Variants in XPNPEP1 observed in about 807,000 individuals in gnomAD.
XPNPEP1 encodes the protein xaa-Pro aminopeptidase 1.
XPNPEP1 carries 39 observed loss-of-function variants against 92.4 expected under a neutral mutation model. The ratio of observed to expected loss-of-function variants is 0.42; its 90% CI spans 0.33 to 0.55. The LOEUF is 0.55. XPNPEP1 is among the 20% of genes least tolerant of loss of function. The pLI is 0.08. For missense variants in XPNPEP1, 654 were observed against 856.1 expected, an observed-to-expected ratio of 0.76 and a Z score of 2.95; for synonymous variants, 307 against 299.4, an observed-to-expected ratio of 1.03 and a Z score of -0.26.
chr10:109,891,601 T>A, intron 5 of XPNPEP1, 121 bp downstream of exon 5: 1 of 778,852 alleles, frequency 1.3e-6, no homozygotes, highest in Non-Finnish European at 1.9e-6. Context: ...TCAGTTTTCC[T>A]TGGATTCTCA....
rs559199004 is a variant in XPNPEP1, at chr10:109,873,303, A to T, written c.1452+64T>A. The T allele has an allele frequency of 5.0e-5, 79 of 1,592,672 alleles. No individual in the cohort carries two copies. In the African/African-American group the frequency reaches 9.9e-4, roughly 20 times the overall value. The stretch of plus-strand genomic sequence containing the variant: ...TTACTTCTTTATACAATCCCTTTTC[A>T]TAAAAGCAATGCTCTTCTTAAGAAA... On this transcript the variant is annotated intron_variant, in intron 16 of 20. Transcript: ENST00000502935.
intron 16 of XPNPEP1, among the ~76,000 whole-genome samples, chr10:109,872,727 CTA>C (rs1335804888): frequency 6.6e-6 from 1 of 152,250 alleles, no homozygotes; most frequent in East Asian, 1.9e-4. Flanking sequence ...TGAGCAGTGA[CTA>C]TGATCCAGGA....
At chr10:109,923,116 C>A in intron 1 of XPNPEP1, 4 of 969,514 alleles carry the variant, frequency 4.1e-6, no homozygotes, top group Non-Finnish European at 4.9e-6. Context: ...ACGGCCGCCG[C>A]CCCCTCAGGC....
chr10:109,919,810 G>A (rs1196600672), intron 1 of XPNPEP1, among the ~76,000 whole-genome samples: 2 of 152,198 alleles, frequency 1.3e-5, no homozygotes, highest in Admixed American at 1.3e-4. Context: ...GAGACGGGCA[G>A]ATCATGAGGT....
intron 3 of XPNPEP1, among the ~76,000 whole-genome samples, chr10:109,905,597 A>G (rs536271992): frequency 6.6e-6 from 1 of 152,284 alleles, no homozygotes; most frequent in South Asian, 2.1e-4. Context: ...TAATGGATAT[A>G]AAGTTTCAGT....
intron 8 of XPNPEP1, among the ~76,000 whole-genome samples, chr10:109,884,775 A>G (rs1238971564): frequency 1.3e-5 from 2 of 152,208 alleles, no homozygotes; most frequent in African/African-American, 2.4e-5. Flanking sequence ...AGCCAGTAAC[A>G]GTGATGTTGC....
At chr10:109,918,117 AAAAAAAAC>A (rs1423940368) in intron 1 of XPNPEP1, among the ~76,000 whole-genome samples, 36 of 152,098 alleles carry the variant, frequency 2.4e-4, no homozygotes, top group African/African-American at 8.4e-4. Context: ...CTGCCTCAAA[AAAAAAAAC>A]AAAAAAACAA....
chr10:109,877,768 CAT>C lies in XPNPEP1; in HGVS notation c.1319+20_1319+21del. ...GTGCAGAAGCAGCAAGGCCAGGCAG[CAT>C]GCTCCTCCGCATGCCTTACGCGTAG... is the stretch of plus-strand genomic sequence containing the variant. On this transcript the variant is annotated intron_variant, in intron 14 of 20. Coordinates refer to ENST00000502935, the MANE Select transcript of XPNPEP1 (RefSeq NM_020383.4). 2.5e-6 allele frequency: 4 copies of C among 1,614,160 alleles called. No individual in the cohort carries two copies. Among genetic ancestry groups the C allele is most frequent in the Non-Finnish European group, 3.4e-6 (4 of 1,180,032 alleles).
chr10:109,868,340 T>C (rs1847253987), intron 20 of XPNPEP1, among the ~76,000 whole-genome samples: 2 of 151,642 alleles, frequency 1.3e-5, no homozygotes, highest in South Asian at 4.2e-4. Context: ...AGCCAAACAA[T>C]GGCATACGAG....
Position 109,868,673 on chromosome 10 carries a change from G to C in XPNPEP1, c.1813C>G (p.Leu605Val), listed in dbSNP as rs1375278304. The change falls in exon 20 of 21, where the codon CTA (leucine) becomes GTA (valine). Residue 605 changes from leucine (L) to valine (V), a missense_variant. Physicochemically the swap from Leu to Val is conservative, Grantham distance 32 (BLOSUM62 1). Transcript: ENST00000502935. ...NNRGSLTFEP[L>V]TLVPIQTKMI... ...TTGGTCTGAATTGGAACCAATGTTA[G>C]AGGTTCAAAGGTCAGGCTTCCCCGG... 6.2e-7 allele frequency: 1 copy of C among 1,613,980 alleles called. No homozygotes were observed. Among genetic ancestry groups the C allele is most frequent in the Non-Finnish European group, 8.5e-7 (1 of 1,179,980 alleles).
intron 4 of XPNPEP1, among the ~76,000 whole-genome samples, 164 bp from the exon 5 acceptor site, chr10:109,891,990 A>G (rs1848730241): frequency 6.6e-6 from 1 of 152,212 alleles, no homozygotes; most frequent in African/African-American, 2.4e-5. Flanking sequence ...AGAAGACCAC[A>G]CTACTGAAAA....
Position 109,864,967 on chromosome 10 carries a change from A to T in XPNPEP1, c.*217T>A. On this transcript the variant is annotated 3_prime_UTR_variant, in exon 21 of 21. Coordinates refer to ENST00000502935, the MANE Select transcript of XPNPEP1 (RefSeq NM_020383.4). ...ACCCTCCTTCTGGTGCAGCAATTTT[A>T]TTCTTGGCTTGTTCTCAACAATTAA... 1 of 679,756 alleles carries T rather than the reference A, an allele frequency of 1.5e-6. No homozygotes were observed. Among genetic ancestry groups the T allele is most frequent in the Non-Finnish European group, 2.3e-6 (1 of 435,972 alleles). The allele number at this position is 679,756 out of a possible 1,614,324, so 42.1% of individuals were successfully genotyped here.
intron 1 of XPNPEP1, 128 bp downstream of exon 1, chr10:109,923,274 C>T (rs1850659306): frequency 3.3e-6 from 4 of 1,207,000 alleles, no homozygotes; most frequent in Non-Finnish European, 4.1e-6. Context: ...GCGAGCGCGG[C>T]CCTCGCCAGA....
At chr10:109,891,941 G>T (rs1848727708) in intron 4 of XPNPEP1, 115 bp from the exon 5 acceptor site, 4 of 901,172 alleles carry the variant, frequency 4.4e-6, no homozygotes, top group South Asian at 3.2e-5. Context: ...TCCTAGTGGG[G>T]CAGATGGGTC....
chr10:109,911,079 T>C (rs759033651), intron 2 of XPNPEP1, among the ~76,000 whole-genome samples: 3 of 152,350 alleles, frequency 2.0e-5, no homozygotes, highest in South Asian at 2.1e-4. Flanking sequence ...TGGGGTACCA[T>C]ACTGATCTTG....
Position 109,898,284 on chromosome 10 carries a change from G to A in XPNPEP1, c.247-5209C>T, listed in dbSNP as rs372476347. Among the ~76,000 whole-genome samples, 36 of 152,252 alleles carry A rather than the reference G, an allele frequency of 2.4e-4. No homozygotes were observed. In the East Asian group the frequency reaches 4.2e-3, roughly 18 times the overall value. On this transcript the variant is annotated intron_variant, in intron 3 of 20. Coordinates refer to ENST00000502935, the MANE Select transcript of XPNPEP1 (RefSeq NM_020383.4). ...TGACATAAAGCAATTAGCGCATGCC[G>A]AACATCTGATGAACTGCAGCACTTA... is the stretch of plus-strand genomic sequence containing the variant.
chr10:109,922,811 GCCCAA>G (rs1850621530), intron 1 of XPNPEP1, among the ~76,000 whole-genome samples: 2 of 152,218 alleles, frequency 1.3e-5, no homozygotes, highest in Non-Finnish European at 2.9e-5. Flanking sequence ...ACCCTCCTAT[GCCCAA>G]GGAGAGCCCA....
At position 109,923,417 on chromosome 10, in the gene XPNPEP1, T is replaced by C; in HGVS notation, c.17A>G (p.Lys6Arg). 1 of 1,442,826 alleles carries C rather than the reference T, an allele frequency of 6.9e-7. No homozygotes were observed. Among genetic ancestry groups the C allele is most frequent in the Non-Finnish European group, 9.1e-7 (1 of 1,097,954 alleles). 89.4% of individuals were successfully genotyped at this position (1,442,826 alleles called of 1,614,324 possible). A position where few individuals can be genotyped will look rare whatever the true frequency, so the allele number is the denominator to read the frequency against. The part of the protein sequence containing the change: MAASR[K>R]PPRVRVNHQD... The stretch of plus-strand genomic sequence containing the variant: ...GTGCCCTCACCTTACTCGCGGTGGC[T>C]TTCTGGAGGCTGCCATTCGGCGGTG... The change falls in exon 1 of 21, where the codon AAG (lysine) becomes AGG (arginine). Residue 6 changes from lysine (K) to arginine (R), a missense_variant. Lys to Arg is a conservative substitution (Grantham distance 26). Transcript: ENST00000502935.
intron 2 of XPNPEP1, among the ~76,000 whole-genome samples, chr10:109,914,044 T>C (rs1184390379): frequency 6.6e-6 from 1 of 151,386 alleles, no homozygotes; most frequent in Non-Finnish European, 1.5e-5. Flanking sequence ...TAGACGGGCA[T>C]GGTTTCTTAT....
Sources: gnomAD v4.1 joint callset for allele counts (sites outside exome capture counted in the v4.1 genomes callset) on GRCh38, gnomAD v4.1.1 for gene constraint, MANE v1.5 for transcripts, NCBI Gene and HGNC (gene_info 2026-07-23, HGNC 2026-07-21) for gene names.